HHAT: variants seen among roughly 807,000 people sequenced by gnomAD.
HHAT encodes hedgehog acyltransferase, also known as protein-cysteine N-palmitoyltransferase HHAT.
Under a neutral mutation model 70.8 loss-of-function variants are expected in HHAT, and 47 were observed. The ratio of observed to expected loss-of-function variants is 0.66; its 90% CI spans 0.53 to 0.85. The LOEUF (loss-of-function observed/expected upper bound fraction) is 0.85, where lower values mean the gene tolerates loss of function less well. HHAT is among the 40% of genes least tolerant of loss of function. The probability of loss-of-function intolerance (pLI) is 0.00; values close to 1 mark genes in which losing one functional copy is unlikely to be tolerated. For synonymous variants in HHAT, 228 were observed against 247.6 expected (o/e 0.92, Z 0.74); for missense variants, 609 against 604.8 (o/e 1.01, Z -0.07).
At chr1:210,579,501 T>C (rs1445341566) in intron 9 of HHAT, among the ~76,000 whole-genome samples, 2 of 150,850 alleles carry the variant, frequency 1.3e-5, no homozygotes, top group Non-Finnish European at 1.5e-5. Flanking sequence ...GATTTCATAC[T>C]GTGTTCTTGC....
At chr1:210,426,562 A>G (rs2093068183) in intron 7 of HHAT, among the ~76,000 whole-genome samples, 1 of 152,110 alleles carries the variant, frequency 6.6e-6, no homozygotes, top group African/African-American at 2.4e-5. Context: ...TGGATGCTGT[A>G]TTTTATTGAA....
At position 210,500,699 on chromosome 1, in the gene HHAT, C is replaced by G. The variant is rs149256150; in HGVS notation, c.1008-12454C>G. Among the ~76,000 whole-genome samples, 140 of 152,342 alleles carry G rather than the reference C, an allele frequency of 9.2e-4. 1 individual carries two copies. Among genetic ancestry groups the G allele is most frequent in the South Asian group, 4.6e-3 (22 of 4,822 alleles). ...CATTAGGGATGTAGACTTCTCTCCT[C>G]TTAATCTTGCTGCTTTTGGTTGCCT... On this transcript the variant is annotated intron_variant, in intron 8 of 11. Transcript: ENST00000261458.
rs537608774 is a variant in HHAT, at chr1:210,492,132, C to T, written c.1008-21021C>T. 8.6e-4 allele frequency among the ~76,000 whole-genome samples: 131 copies of T among 152,234 alleles called. 1 individual carries two copies. Among genetic ancestry groups the T allele is most frequent in the Non-Finnish European group, 9.7e-4 (66 of 68,018 alleles). ...TCACACACACGTACCCACCTGCATCCTCTACATCCATCTTCTACATCCTCC... is the reference window on the plus strand; with the variant it reads ...TCACACACACGTACCCACCTGCATCTTCTACATCCATCTTCTACATCCTCC... On this transcript the variant is annotated intron_variant, in intron 8 of 11. Coordinates refer to ENST00000261458, the MANE Select transcript of HHAT (RefSeq NM_018194.6).
At position 210,354,729 on chromosome 1, in the gene HHAT, G is replaced by A. The variant is rs191272450; in HGVS notation, c.91+5663G>A. The stretch of plus-strand genomic sequence containing the variant: ...TCAATTCTTACATCAATACTGTGCC[G>A]TTTTAATTATTTTTGATTTACAAAA... On this transcript the variant is annotated intron_variant, in intron 2 of 11. Coordinates refer to ENST00000261458, the MANE Select transcript of HHAT (RefSeq NM_018194.6). Among the ~76,000 whole-genome samples the A allele has an allele frequency of 6.2e-4, 94 of 152,108 alleles. 1 individual carries two copies. The highest frequency in any genetic ancestry group is 5.8e-3 in the Admixed American group (88 of 15,282).
At chr1:210,508,234 G>A (rs111695668) in intron 8 of HHAT, among the ~76,000 whole-genome samples, 3,041 of 141,118 alleles carry the variant, frequency 0.022, 130 homozygotes, top group African/African-American at 0.075. Context: ...GCATCACTTC[G>A]TACCCCATAA....
chr1:210,635,869 C>T (rs894940121), intron 11 of HHAT, among the ~76,000 whole-genome samples: 57 of 152,294 alleles, frequency 3.7e-4, no homozygotes, highest in Admixed American at 1.5e-3. Flanking sequence ...AGATGAGCCA[C>T]TTATTCCACG....
intron 11 of HHAT, among the ~76,000 whole-genome samples, chr1:210,643,145 C>T (rs561089208): frequency 1.3e-5 from 2 of 152,188 alleles, no homozygotes; most frequent in Admixed American, 6.5e-5. Context: ...TGTCATAAAT[C>T]AAATGTCCAT....
Position 210,439,006 on chromosome 1 carries a change from C to T in HHAT, c.856+20681C>T, listed in dbSNP as rs968149490. 3.9e-5 allele frequency among the ~76,000 whole-genome samples: 6 copies of T among 151,986 alleles called. No individual in the cohort carries two copies. The East Asian group carries it at 7.7e-4, about 20-fold the overall frequency. On this transcript the variant is annotated intron_variant, in intron 7 of 11. Transcript: ENST00000261458. ...ATCCCAGTGAATCAGAGCATCTGAC[C>T]GCCAGGAAGGCCATGTGGCTTACTG...
intron 11 of HHAT, among the ~76,000 whole-genome samples, chr1:210,651,271 G>A (rs56003380): frequency 0.19 from 16,654 of 88,552 alleles, 1,027 homozygotes; most frequent in Non-Finnish European, 0.21. Flanking sequence ...GAGTTAGATG[G>A]CATATCTGTC....
chr1:210,435,085 T>C lies in HHAT; in HGVS notation c.856+16760T>C, dbSNP rs1469847731. Among the ~76,000 whole-genome samples, 2 of 151,898 alleles carry C rather than the reference T, an allele frequency of 1.3e-5. 1 individual carries two copies. The highest frequency in any genetic ancestry group is 4.9e-5 in the African/African-American group (2 of 41,158). On this transcript the variant is annotated intron_variant, in intron 7 of 11. Coordinates refer to ENST00000261458, the MANE Select transcript of HHAT (RefSeq NM_018194.6). The stretch of plus-strand genomic sequence containing the variant: ...AACAGCAGGTCTTCTGTCTTCTAAG[T>C]GTATATGTGTACCCATTAATCAACC...
intron 1 of HHAT, among the ~76,000 whole-genome samples, chr1:210,340,631 C>G (rs1244756365): frequency 6.6e-6 from 1 of 152,070 alleles, no homozygotes; most frequent in Non-Finnish European, 1.5e-5. Flanking sequence ...GTTTAGTTTG[C>G]CTTTTTCAGT....
intron 9 of HHAT, among the ~76,000 whole-genome samples, chr1:210,575,071 T>C (rs747611375): frequency 6.6e-6 from 1 of 152,114 alleles, no homozygotes; most frequent in Non-Finnish European, 1.5e-5. Flanking sequence ...TCCCTGGATT[T>C]GGGATCTGCT....
intron 4 of HHAT, among the ~76,000 whole-genome samples, chr1:210,390,668 C>T (rs1486156934): frequency 2.0e-5 from 3 of 152,100 alleles, no homozygotes; most frequent in Non-Finnish European, 4.4e-5. Flanking sequence ...CCTTTCCCTC[C>T]AAAGCCCCAA....
intron 6 of HHAT, among the ~76,000 whole-genome samples, chr1:210,407,233 C>T (rs2092366208): frequency 6.6e-6 from 1 of 152,148 alleles, no homozygotes; most frequent in African/African-American, 2.4e-5. Flanking sequence ...AGAAAGAAAG[C>T]TAGTTGGAAG....
chr1:210,362,022 A>ATTTCATTGCTAG (rs55962911), intron 2 of HHAT, among the ~76,000 whole-genome samples: 29,027 of 151,980 alleles, frequency 0.19, 3,215 homozygotes, highest in Admixed American at 0.29. Context: ...GTCTGGTTCC[A>ATTTCATTGCTAG]TTTCATTGCT....
intron 11 of HHAT, among the ~76,000 whole-genome samples, chr1:210,646,735 C>T (rs553511440): frequency 6.6e-6 from 1 of 152,244 alleles, no homozygotes; most frequent in African/African-American, 2.4e-5. Flanking sequence ...CTTCTGTTTA[C>T]AATTTTACTA....
intron 10 of HHAT, among the ~76,000 whole-genome samples, chr1:210,591,062 C>T (rs1235485079): frequency 2.0e-5 from 3 of 152,048 alleles, no homozygotes; most frequent in African/African-American, 4.8e-5. Flanking sequence ...CCTTTCTTTG[C>T]GTTACAACCA....
At chr1:210,507,455 G>A (rs764686856) in intron 8 of HHAT, among the ~76,000 whole-genome samples, 1 of 150,496 alleles carries the variant, frequency 6.6e-6, no homozygotes, top group Admixed American at 6.6e-5. Context: ...CCGCCTCCTG[G>A]GTTCAAGTGA....
At chr1:210,673,181 C>T (rs1238753308) in intron 11 of HHAT, among the ~76,000 whole-genome samples, 3 of 152,092 alleles carry the variant, frequency 2.0e-5, no homozygotes, top group Non-Finnish European at 4.4e-5. Flanking sequence ...GTCTCATTGC[C>T]AAGGACAAGC....
Sources: allele counts gnomAD v4.1 joint callset (sites outside exome capture counted in the v4.1 genomes callset), GRCh38; gene constraint gnomAD v4.1.1; transcripts MANE v1.5; gene names NCBI Gene and HGNC (gene_info 2026-07-23, HGNC 2026-07-21).